The following PLOD2 variants were observed in gnomAD, a reference collection of about 807,000 sequenced individuals.
PLOD2 encodes the protein procollagen-lysine,2-oxoglutarate 5-dioxygenase 2.
In PLOD2, 65 loss-of-function variants were observed where a neutral mutation model predicts 101.0. The ratio of observed to expected loss-of-function variants is 0.64; its 90% CI spans 0.53 to 0.79. The LOEUF is 0.79. PLOD2 is among the 30% of genes least tolerant of loss of function. PLOD2 has a pLI of 0.00. For missense variants in PLOD2, 909 were observed against 914.6 expected, an observed-to-expected ratio of 0.99 and a Z score of 0.08; for synonymous variants, 314 against 302.9, an observed-to-expected ratio of 1.04 and a Z score of -0.38.
chr3:146,114,075 A>G (rs1388218666), intron 3 of PLOD2, among the ~76,000 whole-genome samples: 1 of 152,186 alleles, frequency 6.6e-6, no homozygotes, highest in African/African-American at 2.4e-5. Context: ...TAGGACGAGG[A>G]AATTCCTGCC....
intron 14 of PLOD2, 82 bp from the exon 15 acceptor site, chr3:146,076,977 A>T (rs191742453): frequency 1.4e-5 from 17 of 1,238,408 alleles, no homozygotes; most frequent in Admixed American, 5.5e-5. Flanking sequence ...TATAGAAGAT[A>T]TTAATTTCTA....
At chr3:146,081,247 T>C (rs991097405) in intron 12 of PLOD2, among the ~76,000 whole-genome samples, 1 of 152,146 alleles carries the variant, frequency 6.6e-6, no homozygotes, top group Non-Finnish European at 1.5e-5. Context: ...AAATCTAATA[T>C]TGGTAAAAAA....
chr3:146,118,169 T>C (rs187016699), intron 3 of PLOD2, among the ~76,000 whole-genome samples: 23 of 152,274 alleles, frequency 1.5e-4, no homozygotes, highest in Admixed American at 5.2e-4. Flanking sequence ...GTATTTATTC[T>C]ACAGAGCTAT....
At chr3:146,128,109 G>A (rs1449450) in intron 1 of PLOD2, among the ~76,000 whole-genome samples, 78,311 of 151,922 alleles carry the variant, frequency 0.52, 20,283 homozygotes, top group Middle Eastern at 0.56. Context: ...AAGATAAAAT[G>A]TACAGAGTTC....
Position 146,070,628 on chromosome 3 carries a change from C to T in PLOD2, c.*89G>A. 2 of 810,710 alleles carry T rather than the reference C, an allele frequency of 2.5e-6. No homozygotes were observed. Among genetic ancestry groups the T allele is most frequent in the Non-Finnish European group, 4.1e-6 (2 of 490,816 alleles). The allele number at this position is 810,710 out of a possible 1,614,324, so 50.2% of individuals were successfully genotyped here. A position where few individuals can be genotyped will look rare whatever the true frequency, so the allele number is the denominator to read the frequency against. On this transcript the variant is annotated 3_prime_UTR_variant, in exon 20 of 20. Coordinates refer to ENST00000282903, the MANE Select transcript of PLOD2 (RefSeq NM_182943.3). Reference sequence around the variant, plus strand: ...GTTCTGTTGATGTTATTTAAATATTCCTCTCATCTTCTCAGCCACAACTTC... The same window carrying T: ...GTTCTGTTGATGTTATTTAAATATTTCTCTCATCTTCTCAGCCACAACTTC...
intron 1 of PLOD2, among the ~76,000 whole-genome samples, chr3:146,157,127 A>G (rs1479450441): frequency 6.6e-6 from 1 of 152,218 alleles, no homozygotes; most frequent in African/African-American, 2.4e-5. Flanking sequence ...GTGAATTCAG[A>G]TAAAGTTCTG....
intron 15 of PLOD2, among the ~76,000 whole-genome samples, chr3:146,074,310 A>G (rs527393495): frequency 1.6e-4 from 24 of 151,714 alleles, no homozygotes; most frequent in African/African-American, 5.8e-4. Context: ...GTGCAAATAC[A>G]GAGAGCCAGC....
rs114345286 is a variant in PLOD2, at chr3:146,111,906, G to T, written c.339-1458C>A. Among the ~76,000 whole-genome samples the T allele has an allele frequency of 4.0e-3, 613 of 152,126 alleles. 3 individuals carry two copies. Among genetic ancestry groups the T allele is most frequent in the African/African-American group, 0.014 (574 of 41,510 alleles). ...CCAGTTTTATGGGTAATTAGGCCAT[G>T]AGAAGTGAGGCAAATAAACTAAAGT... On this transcript the variant is annotated intron_variant, in intron 3 of 19. Transcript: ENST00000282903.
chr3:146,108,594 A>C (rs997911757), intron 4 of PLOD2, among the ~76,000 whole-genome samples: 2 of 152,174 alleles, frequency 1.3e-5, no homozygotes, highest in Admixed American at 1.3e-4. Context: ...ACATATTTAT[A>C]TTTTCTGCCC....
At chr3:146,122,882 C>T (rs2030272001) in intron 2 of PLOD2, among the ~76,000 whole-genome samples, 1 of 152,114 alleles carries the variant, frequency 6.6e-6, no homozygotes, top group African/African-American at 2.4e-5. Flanking sequence ...TACTCTCTCT[C>T]CATTCTGAAC....
intron 7 of PLOD2, among the ~76,000 whole-genome samples, chr3:146,098,812 A>C (rs1937288197): frequency 6.6e-6 from 1 of 152,144 alleles, no homozygotes; most frequent in South Asian, 2.1e-4. Context: ...TTACTAAACA[A>C]AATAATAAGT....
intron 14 of PLOD2, chr3:146,077,254 T>C (rs1207698866): frequency 6.9e-5 from 49 of 709,898 alleles, no homozygotes; most frequent in Non-Finnish European, 8.3e-5. Flanking sequence ...TTTTGGCTTC[T>C]TTCTCTTTCA....
At chr3:146,082,968 A>G (rs1241684157) in intron 11 of PLOD2, among the ~76,000 whole-genome samples, 1 of 152,202 alleles carries the variant, frequency 6.6e-6, no homozygotes, top group Non-Finnish European at 1.5e-5. Context: ...CCGAATTCCT[A>G]CTAAACTATT....
chr3:146,073,268 T>C lies in PLOD2; in HGVS notation c.1743+19A>G. 3.1e-6 allele frequency: 3 copies of C among 956,988 alleles called. No individual in the cohort carries two copies. The South Asian group carries it at 4.5e-5, about 14-fold the overall frequency. The allele number at this position is 956,988 out of a possible 1,614,324, so 59.3% of individuals were successfully genotyped here. A position where few individuals can be genotyped will look rare whatever the true frequency, so the allele number is the denominator to read the frequency against. On this transcript the variant is annotated intron_variant, in intron 16 of 19. Coordinates refer to ENST00000282903, the MANE Select transcript of PLOD2 (RefSeq NM_182943.3). ...AATAACAGCAAAATTTTCTATACTT[T>C]GTAATCATTAATACAAACCTGTTCA...
At chr3:146,083,196 G>A (rs915797755) in intron 11 of PLOD2, among the ~76,000 whole-genome samples, 1 of 152,222 alleles carries the variant, frequency 6.6e-6, no homozygotes, top group Admixed American at 6.5e-5. Flanking sequence ...ATACCTCAAT[G>A]TTTTTGTGAA....
chr3:146,070,675 AT>A lies in PLOD2; in HGVS notation c.*41del. 1.5e-6 allele frequency: 2 copies of A among 1,374,628 alleles called. No individual in the cohort carries two copies. Among genetic ancestry groups the A allele is most frequent in the Non-Finnish European group, 2.1e-6 (2 of 966,164 alleles). 85.2% of individuals were successfully genotyped at this position (1,374,628 alleles called of 1,614,324 possible). ...CTTCAAAGACGTGTTCATGCCAGTC[AT>A]TCATCCAAAATAAATTTCAATTCAA... On this transcript the variant is annotated 3_prime_UTR_variant, in exon 20 of 20. Transcript: ENST00000282903.
chr3:146,092,113 A>AG (rs1936995548), intron 7 of PLOD2, among the ~76,000 whole-genome samples: 1 of 151,830 alleles, frequency 6.6e-6, no homozygotes, highest in Non-Finnish European at 1.5e-5. Flanking sequence ...ATGTCAAAAA[A>AG]AAAGTCTTAT....
At chr3:146,143,284 T>C (rs1009386836) in intron 1 of PLOD2, among the ~76,000 whole-genome samples, 4 of 144,890 alleles carry the variant, frequency 2.8e-5, no homozygotes, top group Admixed American at 2.1e-4. Flanking sequence ...TTACAATCTA[T>C]GTAAACATGA....
At chr3:146,094,760 C>T (rs1937090691) in intron 7 of PLOD2, among the ~76,000 whole-genome samples, 1 of 152,114 alleles carries the variant, frequency 6.6e-6, no homozygotes, top group Non-Finnish European at 1.5e-5. Flanking sequence ...CCCGTATAGC[C>T]AAGACAATCC....
Sources: gnomAD v4.1 joint callset for allele counts (sites outside exome capture counted in the v4.1 genomes callset) on GRCh38, gnomAD v4.1.1 for gene constraint, MANE v1.5 for transcripts, NCBI Gene and HGNC (gene_info 2026-07-23, HGNC 2026-07-21) for gene names.